The following GJA8 variants were observed in gnomAD, a reference collection of about 807,000 sequenced individuals.
GJA8 encodes gap junction protein alpha 8.
In GJA8, 13 loss-of-function variants were observed where a neutral mutation model predicts 15.3. That is an observed-to-expected ratio of 0.85 (90% CI 0.55 to 1.35). GJA8 has a LOEUF of 1.35. GJA8 is among the 40% of genes most tolerant of loss of function. The pLI is 0.00. For synonymous variants in GJA8, 304 were observed against 238.7 expected, an observed-to-expected ratio of 1.27 and a Z score of -2.52; for missense variants, 607 against 553.3, an observed-to-expected ratio of 1.10 and a Z score of -0.97.
rs782761924 is a variant in GJA8 at position 147,908,665 on chromosome 1, A to C, written c.710A>C (p.Lys237Thr). Residue 237 changes from lysine (K) to threonine (T), a missense_variant, in exon 2 of 2, where the codon AAG becomes ACG. By Grantham distance (78) the Lys-to-Thr change is moderately conservative. Transcript: ENST00000369235. ...LGLKGIRSAL[K>T]RPVEQPLGEI... The stretch of plus-strand genomic sequence containing the variant: ...CTGAAGGGGATCCGGTCTGCCTTGA[A>C]GAGGCCTGTAGAGCAGCCCCTGGGG... The C allele has an allele frequency of 1.9e-6, 3 of 1,614,072 alleles. No individual in the cohort carries two copies. The highest frequency in any genetic ancestry group is 2.5e-6 in the Non-Finnish European group (3 of 1,179,948).
chr1:147,912,134 G>A (rs587763169), downstream of GJA8, among the ~76,000 whole-genome samples: 2 of 152,232 alleles, frequency 1.3e-5, no homozygotes, highest in South Asian at 4.2e-4. Flanking sequence ...ACAAACTAAA[G>A]CTGGCATTTG....
intron 1 of GJA8, among the ~76,000 whole-genome samples, chr1:147,907,660 A>G (rs1199071413): frequency 4.6e-5 from 7 of 152,214 alleles, no homozygotes; most frequent in African/African-American, 1.7e-4. Flanking sequence ...TTATACAAAT[A>G]TTGCCTCATT....
At chr1:147,910,316 C>G (rs587748299), downstream of GJA8, among the ~76,000 whole-genome samples, 1 of 152,152 alleles carries the variant, frequency 6.6e-6, no homozygotes, top group South Asian at 2.1e-4. Context: ...GCCCAGCTTT[C>G]CTATGGAATC....
chr1:147,909,058 A>AG lies in GJA8; in HGVS notation c.1108dup (p.Glu370GlyfsTer10), dbSNP rs1558010766. The AG allele has an allele frequency of 2.5e-6, 4 of 1,603,640 alleles. No homozygotes were observed. The highest frequency in any genetic ancestry group is 1.1e-5 in the South Asian group (1 of 89,888). ...GAGCAGGAGAAGGTGGCCGTGCCAGAGGGGGAGAAAGTAGAGACCCCCGGA... is the reference window on the plus strand; with the variant it reads ...GAGCAGGAGAAGGTGGCCGTGCCAGAGGGGGGAGAAAGTAGAGACCCCCGGA... On this transcript the variant is annotated frameshift_variant, in exon 2 of 2. Coordinates refer to ENST00000369235, the MANE Select transcript of GJA8 (RefSeq NM_005267.5). LOFTEE classifies it high-confidence loss of function.
At chr1:147,913,610 A>G (rs587653787), downstream of GJA8, among the ~76,000 whole-genome samples, 57 of 152,320 alleles carry the variant, frequency 3.7e-4, 1 homozygote, top group Non-Finnish European at 6.2e-4. Flanking sequence ...TGGAAGGCCT[A>G]GGACAAGATT....
In GJA8 at chr1:147,908,354, CG is replaced by C; in HGVS notation, c.401del (p.Gly134AlafsTer15). 2 of 1,614,170 alleles carry C rather than the reference CG, an allele frequency of 1.2e-6. No individual in the cohort carries two copies. The highest frequency in any genetic ancestry group is 1.7e-6 in the Non-Finnish European group (2 of 1,180,030). On this transcript the variant is annotated frameshift_variant, in exon 2 of 2. Transcript: ENST00000369235. LOFTEE classifies it high-confidence loss of function. Reference sequence around the variant, plus strand: ...ACCAGGGCAGCGTCAAGAAGAGCAGCGGCAGCAAAGGCACTAAGAAGTTCCG... The same window carrying C: ...ACCAGGGCAGCGTCAAGAAGAGCAGCGCAGCAAAGGCACTAAGAAGTTCCG... Reference protein sequence around the residue: ...PDQGSVKKSSGSKGTKKFRLE... With the variant: ...PDQGSVKKSSXSKGTKKFRLE...
In GJA8 at chr1:147,908,108, C is replaced by T. The variant is rs1307969607; in HGVS notation, c.153C>T (p.Asp51=). 8 of 1,614,126 alleles carry T rather than the reference C, an allele frequency of 5.0e-6. No homozygotes were observed. The highest frequency in any genetic ancestry group is 6.8e-6 in the Non-Finnish European group (8 of 1,180,058). ...TCGTGTGGGGGGATGAGCAATCCGACTTCGTGTGCAACACCCAGCAGCCTG... is the reference window on the plus strand; with the variant it reads ...TCGTGTGGGGGGATGAGCAATCCGATTTCGTGTGCAACACCCAGCAGCCTG... ...AEFVWGDEQS[D]FVCNTQQPGC... Residue 51 remains aspartate, a synonymous_variant, in exon 2 of 2, where the codon GAC becomes GAT. Coordinates refer to ENST00000369235, the MANE Select transcript of GJA8 (RefSeq NM_005267.5).
In GJA8 at chr1:147,908,234, G is replaced by A. The variant is rs1357719204; in HGVS notation, c.279G>A (p.Val93=). 3.1e-6 allele frequency: 5 copies of A among 1,614,092 alleles called. No individual in the cohort carries two copies. Among genetic ancestry groups the A allele is most frequent in the Non-Finnish European group, 2.5e-6 (3 of 1,180,044 alleles). ...TCTCCACCCCGTCCCTGATGTACGT[G>A]GGGCACGCGGTGCACTACGTCCGCA... The part of the protein sequence containing the change: ...IFVSTPSLMY[V]GHAVHYVRME... The change falls in exon 2 of 2, where the codon GTG becomes GTA. Residue 93 remains valine, a synonymous_variant. Transcript: ENST00000369235.
intron 1 of GJA8, among the ~76,000 whole-genome samples, chr1:147,904,614 T>C (rs1478019798): frequency 6.6e-6 from 1 of 152,134 alleles, no homozygotes; most frequent in Non-Finnish European, 1.5e-5. Flanking sequence ...AGAAGAGAAA[T>C]AGTCTTCCTT....
chr1:147,909,358 C>T, downstream of GJA8: 1 of 918,610 alleles, frequency 1.1e-6, no homozygotes, highest in Non-Finnish European at 1.7e-6. Flanking sequence ...CCTGTCCTCC[C>T]ACCAGCCTCT....
chr1:147,903,763 CAATGAT>C (rs1553241912), intron 1 of GJA8, among the ~76,000 whole-genome samples: 2 of 152,082 alleles, frequency 1.3e-5, no homozygotes, highest in African/African-American at 4.8e-5. Context: ...CAAAATGTGA[CAATGAT>C]AAAGTTAACA....
At chr1:147,904,398 G>A (rs782331537) in intron 1 of GJA8, among the ~76,000 whole-genome samples, 2 of 152,216 alleles carry the variant, frequency 1.3e-5, no homozygotes, top group Admixed American at 6.5e-5. Context: ...ACGTGAAAAT[G>A]TATCACTTAG....
downstream of GJA8, chr1:147,909,387 G>C: frequency 1.4e-6 from 1 of 722,770 alleles, no homozygotes; most frequent in South Asian, 1.6e-5. Context: ...AGGCACTGCA[G>C]CAGGGCAGTG....
chr1:147,911,289 A>T (rs587630103), downstream of GJA8, among the ~76,000 whole-genome samples: 7 of 152,286 alleles, frequency 4.6e-5, no homozygotes, highest in South Asian at 1.2e-3. Context: ...ATATTCATTC[A>T]AGATATACCT....
In GJA8 at chr1:147,903,178, C is replaced by A. The variant is rs187211707; in HGVS notation, c.-12+317C>A. On this transcript the variant is annotated intron_variant, in intron 1 of 1. Coordinates refer to ENST00000369235, the MANE Select transcript of GJA8 (RefSeq NM_005267.5). ...CTACAGGAATCCACAGGGACCTAAA[C>A]CAAGTATTTGATATTTATGAAAAAG... is the stretch of plus-strand genomic sequence containing the variant. 2.4e-3 allele frequency among the ~76,000 whole-genome samples: 364 copies of A among 152,306 alleles called. 3 individuals are homozygous for A. Among genetic ancestry groups the A allele is most frequent in the Admixed American group, 0.019 (285 of 15,308 alleles).
At chr1:147,911,898 A>G (rs1652175407), downstream of GJA8, among the ~76,000 whole-genome samples, 1 of 148,846 alleles carries the variant, frequency 6.7e-6, no homozygotes, top group African/African-American at 2.4e-5. Context: ...GGTGGGACAT[A>G]AGTGTGTGAT....
chr1:147,908,357 C>T lies in GJA8; in HGVS notation c.402C>T (p.Gly134=), dbSNP rs782460854. 1 of 1,614,196 alleles carries T rather than the reference C, an allele frequency of 6.2e-7. No individual in the cohort carries two copies. Among genetic ancestry groups the T allele is most frequent in the South Asian group, 1.1e-5 (1 of 91,082 alleles). ...AGGGCAGCGTCAAGAAGAGCAGCGGCAGCAAAGGCACTAAGAAGTTCCGGC... is the reference window on the plus strand; with the variant it reads ...AGGGCAGCGTCAAGAAGAGCAGCGGTAGCAAAGGCACTAAGAAGTTCCGGC... ...PDQGSVKKSS[G]SKGTKKFRLE... Residue 134 remains glycine (G), a synonymous_variant, in exon 2 of 2, where the codon GGC becomes GGT. Coordinates refer to ENST00000369235, the MANE Select transcript of GJA8 (RefSeq NM_005267.5).
At chr1:147,909,316 AC>A (rs762249348), downstream of GJA8, 1 of 1,194,912 alleles carries the variant, frequency 8.4e-7, no homozygotes, top group East Asian at 2.4e-5. Flanking sequence ...GATGAAAGGA[AC>A]AGGTGCCAAC....
intron 1 of GJA8, among the ~76,000 whole-genome samples, chr1:147,903,065 G>T (rs1198982223): frequency 1.2e-4 from 18 of 152,198 alleles, no homozygotes; most frequent in African/African-American, 4.1e-4. Flanking sequence ...GTTTGGAAGG[G>T]AGAGGAATGC....
Sources: allele counts gnomAD v4.1 joint callset (sites outside exome capture counted in the v4.1 genomes callset), GRCh38; gene constraint gnomAD v4.1.1; transcripts MANE v1.5; gene names NCBI Gene and HGNC (gene_info 2026-07-23, HGNC 2026-07-21).